The following NTM variants were observed in gnomAD, a reference collection of about 807,000 sequenced individuals.
NTM encodes the protein neurotrimin.
A neutral mutation model predicts 42.1 loss-of-function variants in NTM; 13 were observed. The ratio of observed to expected loss-of-function variants is 0.31; its 90% CI spans 0.20 to 0.49. The LOEUF (loss-of-function observed/expected upper bound fraction) is 0.49, where lower values mean the gene tolerates loss of function less well. NTM is among the 20% of genes least tolerant of loss of function. NTM has a pLI of 0.99. For synonymous variants in NTM, 187 were observed against 179.2 expected (o/e 1.04, Z -0.35); for missense variants, 373 against 452.8 (o/e 0.82, Z 1.60).
intron 1 of NTM, among the ~76,000 whole-genome samples, chr11:131,735,957 C>T (rs376093735): frequency 7.2e-5 from 11 of 152,062 alleles, no homozygotes; most frequent in East Asian, 3.9e-4. Flanking sequence ...CTCAGCCTCC[C>T]GAGTAGCTGG....
At chr11:132,275,748 G>GTATATATACGTATATATATA (rs1192967159) in intron 4 of NTM, among the ~76,000 whole-genome samples, 2 of 58,984 alleles carry the variant, frequency 3.4e-5, no homozygotes, top group South Asian at 6.0e-4. Flanking sequence ...ATATATATAT[G>GTATATATACGTATATATATA]TGTATATATA....
rs576856009 is a variant in NTM at position 132,321,421 on chromosome 11, G to A, written c.934+6718G>A. The stretch of plus-strand genomic sequence containing the variant: ...CCGATGTGATCAACTGGAAGAAAGG[G>A]TATCAGCAATGGAAGATGAAATGAA... On this transcript the variant is annotated intron_variant, in intron 7 of 8. Transcript: ENST00000683400. 1.4e-4 allele frequency among the ~76,000 whole-genome samples: 22 copies of A among 152,224 alleles called. No homozygotes were observed. In the South Asian group the frequency reaches 4.1e-3, roughly 29 times the overall value.
rs550668317 is a variant in NTM at position 131,400,933 on chromosome 11, T to C, written c.82+30045T>C. On this transcript the variant is annotated intron_variant, in intron 1 of 8. Transcript: ENST00000683400. ...GGCCTTCTATGTTTCTGGAGTCTGATACTGAACTTCTTCAGCAATACCTTC... is the reference window on the plus strand; with the variant it reads ...GGCCTTCTATGTTTCTGGAGTCTGACACTGAACTTCTTCAGCAATACCTTC... Among the ~76,000 whole-genome samples, 5 of 151,570 alleles carry C rather than the reference T, an allele frequency of 3.3e-5. No homozygotes were observed. In the East Asian group the frequency reaches 9.7e-4, roughly 29 times the overall value.
intron 1 of NTM, among the ~76,000 whole-genome samples, chr11:131,682,344 C>T (rs982547756): frequency 6.6e-6 from 1 of 152,224 alleles, no homozygotes; most frequent in Non-Finnish European, 1.5e-5. Flanking sequence ...ACAAAAACAG[C>T]AGCTGTGGTT....
chr11:132,027,906 C>G (rs1419857398), intron 2 of NTM, among the ~76,000 whole-genome samples: 1 of 151,976 alleles, frequency 6.6e-6, no homozygotes, highest in Non-Finnish European at 1.5e-5. Flanking sequence ...ATATTCTGTT[C>G]CATTTTTTTC....
intron 1 of NTM, among the ~76,000 whole-genome samples, chr11:131,473,192 T>G (rs1048141395): frequency 6.6e-6 from 1 of 152,094 alleles, no homozygotes; most frequent in African/African-American, 2.4e-5. Context: ...CCCCTCATTA[T>G]TTGGGGCTTG....
chr11:131,649,834 T>A (rs1308747092), intron 1 of NTM, among the ~76,000 whole-genome samples: 1 of 152,202 alleles, frequency 6.6e-6, no homozygotes, highest in African/African-American at 2.4e-5. Context: ...ATGCTAGTAA[T>A]TGTTAAATAG....
intron 1 of NTM, among the ~76,000 whole-genome samples, chr11:131,876,969 G>A (rs1441997383): frequency 6.6e-6 from 1 of 150,468 alleles, no homozygotes; most frequent in Non-Finnish European, 1.5e-5. Context: ...AGCAATTCTT[G>A]TGCCACAGCC....
chr11:132,307,925 G>GTCACTTAT, intron 5 of NTM, 102 bp downstream of exon 5: 1 of 1,162,096 alleles, frequency 8.6e-7, no homozygotes. Flanking sequence ...CTGACTTAGG[G>GTCACTTAT]TGGGAAGAAT....
intron 2 of NTM, among the ~76,000 whole-genome samples, chr11:131,996,842 C>T (rs2068134900): frequency 6.6e-6 from 1 of 152,156 alleles, no homozygotes; most frequent in South Asian, 2.1e-4. Context: ...TCTCCCCAGC[C>T]TGCATTCTGA....
chr11:131,393,534 C>A (rs753299335), intron 1 of NTM, among the ~76,000 whole-genome samples: 1 of 152,158 alleles, frequency 6.6e-6, no homozygotes, highest in African/African-American at 2.4e-5. Context: ...CAGCAGCAAC[C>A]GCCCATCCTT....
chr11:132,078,111 C>A (rs1368676149), intron 2 of NTM, among the ~76,000 whole-genome samples: 2 of 152,220 alleles, frequency 1.3e-5, no homozygotes, highest in African/African-American at 4.8e-5. Context: ...TCAGTGTCTA[C>A]TTTGAACACC....
At chr11:131,818,345 A>T (rs1428091611) in intron 1 of NTM, among the ~76,000 whole-genome samples, 2 of 152,198 alleles carry the variant, frequency 1.3e-5, no homozygotes, top group African/African-American at 4.8e-5. Flanking sequence ...AGGAGTTATA[A>T]AGATTTTTAC....
intron 4 of NTM, among the ~76,000 whole-genome samples, chr11:132,249,388 C>T (rs2091657235): frequency 6.6e-6 from 1 of 152,086 alleles, no homozygotes; most frequent in South Asian, 2.1e-4. Context: ...GAAAGAACTC[C>T]CTGGAGAAGG....
At chr11:131,704,843 A>G (rs867176636) in intron 1 of NTM, among the ~76,000 whole-genome samples, 2 of 152,360 alleles carry the variant, frequency 1.3e-5, no homozygotes, top group Middle Eastern at 3.4e-3. Flanking sequence ...AGTTCCATAG[A>G]GAACTTCAAC....
At chr11:132,059,446 C>A (rs2080256193) in intron 2 of NTM, among the ~76,000 whole-genome samples, 1 of 152,202 alleles carries the variant, frequency 6.6e-6, no homozygotes. Flanking sequence ...CAGGGCGAGG[C>A]CTTAGGGACT....
chr11:132,315,354 G>A (rs1268207677), intron 7 of NTM, among the ~76,000 whole-genome samples: 1 of 152,192 alleles, frequency 6.6e-6, no homozygotes, highest in East Asian at 1.9e-4. Context: ...CAGCTGTGCA[G>A]ACATGAGCCT....
At chr11:131,840,825 T>C (rs1305218522) in intron 1 of NTM, among the ~76,000 whole-genome samples, 2 of 152,216 alleles carry the variant, frequency 1.3e-5, no homozygotes, top group African/African-American at 4.8e-5. Context: ...AGTGCTCTTC[T>C]GAACAGTTTT....
chr11:131,716,551 C>T (rs1452479489), intron 1 of NTM, among the ~76,000 whole-genome samples: 1 of 152,064 alleles, frequency 6.6e-6, no homozygotes, highest in African/African-American at 2.4e-5. Flanking sequence ...CACAGCAATT[C>T]TAATTCTGAT....
Sources: allele counts gnomAD v4.1 joint callset (sites outside exome capture counted in the v4.1 genomes callset), GRCh38; gene constraint gnomAD v4.1.1; transcripts MANE v1.5; gene names NCBI Gene and HGNC (gene_info 2026-07-23, HGNC 2026-07-21).